The following CLEC17A variants were observed in gnomAD, a reference collection of about 807,000 sequenced individuals.
CLEC17A encodes C-type lectin domain family 17, member A.
A neutral mutation model predicts 61.3 loss-of-function variants in CLEC17A; 37 were observed. The ratio of observed to expected loss-of-function variants is 0.60; its 90% CI spans 0.46 to 0.79. CLEC17A has a LOEUF of 0.79. Ranked by LOEUF, CLEC17A falls within the 30% of genes least tolerant of loss-of-function variation. The pLI, the probability that CLEC17A is intolerant of heterozygous loss-of-function variation, is 0.00. For synonymous variants in CLEC17A, 168 were observed against 164.9 expected (o/e 1.02, Z -0.14); for missense variants, 418 against 464.7 (o/e 0.90, Z 0.92).
chr19:14,592,206 T>G (rs1011555365), intron 3 of CLEC17A, 75 bp from the exon 4 acceptor site: 2 of 1,450,926 alleles, frequency 1.4e-6, no homozygotes, highest in Non-Finnish European at 1.9e-6. Context: ...ATGGGGCAGC[T>G]GAGGCAGAGA....
Position 14,583,218 on chromosome 19 carries a change from A to G in CLEC17A, c.43+15A>G, listed in dbSNP as rs2074205880. On this transcript the variant is annotated intron_variant, in intron 1 of 13. Coordinates refer to ENST00000417570, the MANE Select transcript of CLEC17A (RefSeq NM_001204118.2). ...GGACCCACCAGGTAAGGCCCCGGCC[A>G]GGCTGGGGCTGGGGCCTAGGTGTGG... 1 of 1,613,720 alleles carries G rather than the reference A, an allele frequency of 6.2e-7. No individual in the cohort carries two copies. The highest frequency in any genetic ancestry group is 1.3e-5 in the African/African-American group (1 of 74,922).
Position 14,587,645 on chromosome 19 carries a change from C to T in CLEC17A, c.153C>T (p.Asp51=), listed in dbSNP as rs1266492648. The change falls in exon 3 of 14, where the codon GAC becomes GAT. Residue 51 remains aspartate, a synonymous_variant. Transcript: ENST00000417570. ...GTMEEEEEDD[D]YENSTPPYKD... is the part of the protein sequence containing the mutation. ...TGGAGGAGGAGGAGGAGGATGATGA[C>T]TATGAGAACTCAACACCTCCCTACA... 1 of 1,602,346 alleles carries T rather than the reference C, an allele frequency of 6.2e-7. No individual in the cohort carries two copies. Among genetic ancestry groups the T allele is most frequent in the Non-Finnish European group, 8.5e-7 (1 of 1,174,674 alleles).
rs1466781848 is a variant in CLEC17A, at chr19:14,611,226, C to T, written c.*1030C>T. 1.3e-5 allele frequency: 2 copies of T among 152,080 alleles called. No individual in the cohort carries two copies. The highest frequency in any genetic ancestry group is 1.5e-5 in the Non-Finnish European group (1 of 68,040). The allele number at this position is 152,080 out of a possible 1,614,324, so 9.4% of individuals were successfully genotyped here. Reference sequence around the variant, plus strand: ...CGTCCTCTCCAGACACTGCTTCCTTCCTGGTCTCAAACAGCACAAATAACC... The same window carrying T: ...CGTCCTCTCCAGACACTGCTTCCTTTCTGGTCTCAAACAGCACAAATAACC... On this transcript the variant is annotated 3_prime_UTR_variant, in exon 14 of 14. Transcript: ENST00000417570.
In CLEC17A at chr19:14,611,800, G is replaced by A. The variant is rs1208237706; in HGVS notation, c.*1604G>A. 1.3e-5 allele frequency among the ~76,000 whole-genome samples: 2 copies of A among 152,062 alleles called. No homozygotes were observed. Among genetic ancestry groups the A allele is most frequent in the African/African-American group, 2.4e-5 (1 of 41,404 alleles). The stretch of plus-strand genomic sequence containing the variant: ...GCTGATCACCTGGGGTCAGGATTTC[G>A]AGACCAGCCTGGCCAACATGGTAAA... On this transcript the variant is annotated 3_prime_UTR_variant, in exon 14 of 14. Transcript: ENST00000417570.
Position 14,583,156 on chromosome 19 carries a change from T to C in CLEC17A, c.-5T>C. 2 of 1,614,054 alleles carry C rather than the reference T, an allele frequency of 1.2e-6. No individual in the cohort carries two copies. The highest frequency in any genetic ancestry group is 8.5e-7 in the Non-Finnish European group (1 of 1,179,908). Reference sequence around the variant, plus strand: ...CTGCCACTTGTCAGGTTCCCTGTGCTAGACATGCATAATCTGTATTCCATC... The same window carrying C: ...CTGCCACTTGTCAGGTTCCCTGTGCCAGACATGCATAATCTGTATTCCATC... On this transcript the variant is annotated 5_prime_UTR_variant, in exon 1 of 14. Coordinates refer to ENST00000417570, the MANE Select transcript of CLEC17A (RefSeq NM_001204118.2).
In CLEC17A at chr19:14,599,932, G is replaced by T. The variant is rs562004882; in HGVS notation, c.743-99G>T. ...GTGAATGGTGCCCCTCCCCCTCACCGGAGTTGAGCAGTGTACAGCCTGCAC... is the reference window on the plus strand; with the variant it reads ...GTGAATGGTGCCCCTCCCCCTCACCTGAGTTGAGCAGTGTACAGCCTGCAC... On this transcript the variant is annotated intron_variant, in intron 11 of 13. Transcript: ENST00000417570. 9.4e-5 allele frequency: 143 copies of T among 1,526,374 alleles called. No individual in the cohort carries two copies. In the African/African-American group the frequency reaches 1.7e-3, roughly 18 times the overall value. The allele number at this position is 1,526,374 out of a possible 1,614,324, so 94.6% of individuals were successfully genotyped here. A position where few individuals can be genotyped will look rare whatever the true frequency, so the allele number is the denominator to read the frequency against.
intron 13 of CLEC17A, among the ~76,000 whole-genome samples, chr19:14,608,694 T>C (rs1035504928): frequency 6.8e-6 from 1 of 145,992 alleles, no homozygotes; most frequent in Admixed American, 7.1e-5. Flanking sequence ...AGTGCAGTGG[T>C]GCAGTCTTGA....
intron 3 of CLEC17A, among the ~76,000 whole-genome samples, chr19:14,588,169 C>A (rs1178885491): frequency 6.6e-6 from 1 of 151,840 alleles, no homozygotes; most frequent in African/African-American, 2.4e-5. Context: ...CAGGGTCCAA[C>A]AGGAGACTGA....
chr19:14,583,274 G>A, intron 1 of CLEC17A, 71 bp downstream of exon 1: 1 of 1,613,108 alleles, frequency 6.2e-7, no homozygotes, highest in Admixed American at 1.7e-5. Flanking sequence ...TCCCCACCAT[G>A]GGGCAGCTGA....
intron 3 of CLEC17A, among the ~76,000 whole-genome samples, chr19:14,590,458 G>A (rs935728564): frequency 2.1e-4 from 32 of 149,404 alleles, no homozygotes; most frequent in African/African-American, 7.9e-4. Context: ...GTGCAATCTT[G>A]GCTGACAGCA....
chr19:14,601,117 G>C (rs1341929029), intron 12 of CLEC17A, among the ~76,000 whole-genome samples: 1 of 151,296 alleles, frequency 6.6e-6, no homozygotes, highest in South Asian at 2.1e-4. Context: ...TGGCCAGGCT[G>C]TTCTCGAACT....
Position 14,587,660 on chromosome 19 carries a change from A to G in CLEC17A, c.168A>G (p.Thr56=), listed in dbSNP as rs1428691500. Reference sequence around the variant, plus strand: ...AGGATGATGACTATGAGAACTCAACACCTCCCTACAAGGACCTTCCTCCCA... The same window carrying G: ...AGGATGATGACTATGAGAACTCAACGCCTCCCTACAAGGACCTTCCTCCCA... The part of the protein sequence containing the change: ...EEEDDDYENS[T]PPYKDLPPKP... The change falls in exon 3 of 14, where the codon ACA becomes ACG. Residue 56 remains threonine, a synonymous_variant. Coordinates refer to ENST00000417570, the MANE Select transcript of CLEC17A (RefSeq NM_001204118.2). 1.1e-5 allele frequency: 17 copies of G among 1,602,422 alleles called. No individual in the cohort carries two copies. Among genetic ancestry groups the G allele is most frequent in the Non-Finnish European group, 1.4e-5 (16 of 1,174,764 alleles).
intron 4 of CLEC17A, 113 bp downstream of exon 4, chr19:14,592,471 C>T: frequency 6.5e-7 from 1 of 1,542,754 alleles, no homozygotes; most frequent in Non-Finnish European, 8.8e-7. Flanking sequence ...CCAGCCCATG[C>T]CAGGCACTGT....
At chr19:14,604,886 A>G (rs887693666) in intron 12 of CLEC17A, among the ~76,000 whole-genome samples, 6 of 152,252 alleles carry the variant, frequency 3.9e-5, no homozygotes, top group Non-Finnish European at 8.8e-5. Flanking sequence ...GAAATAGATT[A>G]TAGTAAAAAA....
intron 13 of CLEC17A, among the ~76,000 whole-genome samples, 172 bp downstream of exon 13, chr19:14,607,274 A>G (rs1297048479): frequency 1.3e-5 from 2 of 150,432 alleles, no homozygotes; most frequent in African/African-American, 2.5e-5. Flanking sequence ...GCGCAATCTC[A>G]GCTCACTGCA....
In CLEC17A at chr19:14,609,858, CA is replaced by C. The variant is rs774019337; in HGVS notation, c.1005-200del. On this transcript the variant is annotated intron_variant, in intron 13 of 13. Transcript: ENST00000417570. ...GTCTCCAAAACAAAACAAAACAAAA[CA>C]AAAAACCCCCCAAAACCAGAAATTG... 4.8e-5 allele frequency among the ~76,000 whole-genome samples: 7 copies of C among 144,754 alleles called. No individual in the cohort carries two copies. The South Asian group carries it at 6.7e-4, about 14-fold the overall frequency. The allele number at this position is 144,754 out of a possible 152,430, so 95.0% of individuals were successfully genotyped here.
intron 2 of CLEC17A, among the ~76,000 whole-genome samples, chr19:14,587,282 G>A (rs897660759): frequency 5.8e-4 from 83 of 143,104 alleles, no homozygotes; most frequent in Non-Finnish European, 9.4e-4. Context: ...TGTGAGGTCT[G>A]GGGGCTTCCC....
At chr19:14,586,825 G>A (rs1349742534) in intron 2 of CLEC17A, among the ~76,000 whole-genome samples, 1 of 151,958 alleles carries the variant, frequency 6.6e-6, no homozygotes, top group African/African-American at 2.4e-5. Context: ...CTCTGTAGGG[G>A]AGCTCAACTG....
At chr19:14,600,367 T>C (rs1448569047) in intron 12 of CLEC17A, among the ~76,000 whole-genome samples, 185 bp downstream of exon 12, 2 of 152,256 alleles carry the variant, frequency 1.3e-5, no homozygotes, top group African/African-American at 4.8e-5. Flanking sequence ...GCTTTGTTTT[T>C]GAGTTCAAAT....
Sources: allele counts gnomAD v4.1 joint callset (sites outside exome capture counted in the v4.1 genomes callset), GRCh38; gene constraint gnomAD v4.1.1; transcripts MANE v1.5; gene names NCBI Gene and HGNC (gene_info 2026-07-23, HGNC 2026-07-21).